The following TNS1 variants were observed in gnomAD, a reference collection of about 807,000 sequenced individuals.
TNS1 encodes tensin 1.
In TNS1, 62 loss-of-function variants were observed where a neutral mutation model predicts 168.6. That is an observed-to-expected ratio of 0.37 (90% CI 0.30 to 0.45). The LOEUF is 0.45. TNS1 is among the 20% of genes least tolerant of loss of function. The probability of loss-of-function intolerance (pLI) is 1.00; values close to 1 mark genes in which losing one functional copy is unlikely to be tolerated. For missense variants in TNS1, 2,240 were observed against 2,339.4 expected (o/e 0.96, Z 0.88); for synonymous variants, 934 against 933.2 (o/e 1.00, Z -0.02).
chr2:217,949,536 C>T (rs986277432), intron 3 of TNS1, among the ~76,000 whole-genome samples: 6 of 152,180 alleles, frequency 3.9e-5, no homozygotes, highest in African/African-American at 1.4e-4. Context: ...AAGGTGTTGG[C>T]AGGATCCCTG....
intron 2 of TNS1, among the ~76,000 whole-genome samples, chr2:217,984,262 G>T (rs1047000618): frequency 6.6e-6 from 1 of 152,176 alleles, no homozygotes; most frequent in Non-Finnish European, 1.5e-5. Flanking sequence ...GGTGTCTCAG[G>T]GGATGGTCGG....
chr2:217,805,543 C>CAG (rs1559132361), intron 32 of TNS1, among the ~76,000 whole-genome samples: 2 of 1,144 alleles, frequency 1.7e-3, no homozygotes, highest in Non-Finnish European at 3.9e-3. Context: ...ACCACACACA[C>CAG]CACCACACAC....
intron 19 of TNS1, 31 bp from the exon 20 acceptor site, chr2:217,836,242 G>A: frequency 6.3e-6 from 10 of 1,576,014 alleles, no homozygotes; most frequent in African/African-American, 1.3e-5. Context: ...AGAGGACAAT[G>A]AGCATTTTTG....
At chr2:218,031,566 T>C (rs111711426) in intron 1 of TNS1, among the ~76,000 whole-genome samples, 1 of 81,272 alleles carries the variant, frequency 1.2e-5, no homozygotes, top group South Asian at 4.8e-4. Flanking sequence ...TGTGTGTGTC[T>C]GTGTGTGTGT....
At chr2:218,003,055 C>A, upstream of TNS1, 1 of 404,346 alleles carries the variant, frequency 2.5e-6, no homozygotes, top group African/African-American at 2.0e-5. Flanking sequence ...CCTCCCCCCA[C>A]TCCACCCCTC....
intron 1 of TNS1, among the ~76,000 whole-genome samples, chr2:217,997,150 G>A (rs1005697567): frequency 3.3e-5 from 5 of 152,086 alleles, no homozygotes; most frequent in African/African-American, 1.2e-4. Context: ...CTGGACCCCT[G>A]TCAGAATCCA....
chr2:217,879,087 C>G (rs1019999990), intron 18 of TNS1, among the ~76,000 whole-genome samples: 5 of 152,184 alleles, frequency 3.3e-5, no homozygotes, highest in African/African-American at 1.2e-4. Flanking sequence ...GCTCTGCTGT[C>G]CCTGGGCTGC....
At chr2:218,029,200 C>T (rs1167553000) in intron 1 of TNS1, among the ~76,000 whole-genome samples, 4 of 149,030 alleles carry the variant, frequency 2.7e-5, no homozygotes, top group Admixed American at 2.0e-4. Flanking sequence ...CTTCTTTCTC[C>T]TTTCCCTCCT....
rs1376881128 is a variant in TNS1, at chr2:217,900,341, C to T, written c.371+122G>A. ...CTCCTGTGCCTTTCACGTTTGCCCA[C>T]ACTCCCCACCCGTGGCTTTATGGCT... On this transcript the variant is annotated intron_variant, in intron 7 of 32. Coordinates refer to ENST00000682258, the MANE Select transcript of TNS1 (RefSeq NM_001387777.1). 4 of 1,148,704 alleles carry T rather than the reference C, an allele frequency of 3.5e-6. 1 individual carries two copies. In the African/African-American group the frequency reaches 6.2e-5, roughly 18 times the overall value. The allele number at this position is 1,148,704 out of a possible 1,614,324, so 71.2% of individuals were successfully genotyped here.
chr2:217,809,711 A>G, intron 30 of TNS1, 112 bp downstream of exon 30: 1 of 1,123,574 alleles, frequency 8.9e-7, no homozygotes, highest in South Asian at 1.5e-5. Context: ...GAGAAGGTAG[A>G]TGAGCAGTTG....
At chr2:218,029,843 G>A (rs1330849701) in intron 1 of TNS1, among the ~76,000 whole-genome samples, 2 of 152,188 alleles carry the variant, frequency 1.3e-5, no homozygotes, top group Non-Finnish European at 2.9e-5. Context: ...ATGTGAGTAC[G>A]TGCGTGTGTT....
At chr2:218,008,747 A>G (rs1243728997) in intron 1 of TNS1, among the ~76,000 whole-genome samples, 1 of 152,178 alleles carries the variant, frequency 6.6e-6, no homozygotes, top group African/African-American at 2.4e-5. Flanking sequence ...CTCCTAATGG[A>G]GCAGAAGAAT....
upstream of TNS1, among the ~76,000 whole-genome samples, chr2:218,004,705 C>G (rs1958640625): frequency 1.3e-5 from 2 of 152,188 alleles, no homozygotes; most frequent in South Asian, 4.1e-4. Context: ...AGTGAAGAGT[C>G]TTTGTTCCGG....
intron 1 of TNS1, among the ~76,000 whole-genome samples, chr2:218,021,961 G>T (rs545477401): frequency 1.3e-5 from 2 of 152,276 alleles, no homozygotes; most frequent in South Asian, 4.1e-4. Flanking sequence ...ACCTCAGAGC[G>T]GGGGAAGGGC....
chr2:217,874,893 C>T (rs763165462), intron 18 of TNS1, among the ~76,000 whole-genome samples: 5 of 152,178 alleles, frequency 3.3e-5, no homozygotes, highest in African/African-American at 4.8e-5. Flanking sequence ...CACCTATAAA[C>T]AATAGAGCTT....
rs769561868 is a variant in TNS1 at position 217,880,955 on chromosome 2, G to C, written c.1372C>G (p.Leu458Val). 1 of 1,614,108 alleles carries C rather than the reference G, an allele frequency of 6.2e-7. No homozygotes were observed. The highest frequency in any genetic ancestry group is 1.7e-5 in the Admixed American group (1 of 60,026). ...TTGTCGTAGGAGTCCCAGCGGATGA[G>C]GGGGTCGGAGGTGTTATAGTCCACA... is the stretch of plus-strand genomic sequence containing the variant. ...VSVDYNTSDPLIRWDSYDNFS... is the reference protein window; with the variant it reads ...VSVDYNTSDPVIRWDSYDNFS... The change falls in exon 18 of 33, where the codon CTC (leucine) becomes GTC (valine). Residue 458 changes from leucine to valine, a missense_variant. Physicochemically the swap from Leu to Val is conservative, Grantham distance 32 (BLOSUM62 1). Around this residue, in one of 2 missense-constraint regions of TNS1, gnomAD observed 2,131 missense variants for 2,171.2 expected, o/e 0.98. Transcript: ENST00000682258. The surrounding 1 kb of genome is among the most constrained non-coding windows in gnomAD (Gnocchi z 4.2).
intron 1 of TNS1, among the ~76,000 whole-genome samples, chr2:218,019,711 G>A (rs1958791309): frequency 6.6e-6 from 1 of 152,214 alleles, no homozygotes; most frequent in Non-Finnish European, 1.5e-5. Flanking sequence ...CCATAAAGGG[G>A]AAATCAGTTA....
In TNS1 at chr2:217,818,434, C is replaced by T. The variant is rs560632147; in HGVS notation, c.3898G>A (p.Gly1300Ser). The T allele has an allele frequency of 1.7e-5, 27 of 1,614,044 alleles. No individual in the cohort carries two copies. Among genetic ancestry groups the T allele is most frequent in the Middle Eastern group, 1.7e-4 (1 of 6,060 alleles). Residue 1300 changes from glycine (G) to serine (S), a missense_variant, in exon 24 of 33, where the codon GGC (glycine) becomes AGC (serine). Gly to Ser is a moderately conservative substitution (Grantham distance 56). Transcript: ENST00000682258. ...ATGCTGGGATTGATGGCCCGCCAGC[C>T]GAAGCCAGGACTAGGGGGAGTGTTG... Reference protein sequence around the residue: ...GTNTPPSPGFGWRAINPSMAA... With the variant: ...GTNTPPSPGFSWRAINPSMAA...
At position 217,862,049 on chromosome 2, in the gene TNS1, C is replaced by T. The variant is rs78580768; in HGVS notation, c.1430-12962G>A. Among the ~76,000 whole-genome samples, 1,078 of 152,320 alleles carry T rather than the reference C, an allele frequency of 7.1e-3. 1 individual carries two copies. The highest frequency in any genetic ancestry group is 0.012 in the Non-Finnish European group (850 of 68,026). ...GCCATTCCATTAACAAATACTGAGC[C>T]TATCCCAACACTGATTACTGCCAAT... On this transcript the variant is annotated intron_variant, in intron 18 of 32. Coordinates refer to ENST00000682258, the MANE Select transcript of TNS1 (RefSeq NM_001387777.1).
Sources: gnomAD v4.1 joint callset for allele counts (sites outside exome capture counted in the v4.1 genomes callset) on GRCh38, gnomAD v4.1.1 for gene constraint, gnomAD v4.1.1 regional missense constraint, Gnocchi (gnomAD v3.1) non-coding constraint, MANE v1.5 for transcripts, NCBI Gene and HGNC (gene_info 2026-07-23, HGNC 2026-07-21) for gene names.